The following VSTM2L variants were observed in gnomAD, a reference collection of about 807,000 sequenced individuals.
VSTM2L encodes the protein V-set and transmembrane domain containing 2 like.
A neutral mutation model predicts 19.9 loss-of-function variants in VSTM2L; 9 were observed. The observed-to-expected ratio is 0.45, with a 90% CI of 0.27 to 0.79. The LOEUF is 0.79. Ranked by LOEUF, VSTM2L falls within the 30% of genes least tolerant of loss-of-function variation. The probability of loss-of-function intolerance (pLI) is 0.15; values close to 1 mark genes in which losing one functional copy is unlikely to be tolerated. For synonymous variants in VSTM2L, 127 were observed against 133.8 expected (o/e 0.95, Z 0.35); for missense variants, 286 against 295.5 (o/e 0.97, Z 0.24).
chr20:37,903,698 C>T (rs2072735232), intron 1 of VSTM2L, among the ~76,000 whole-genome samples: 1 of 152,232 alleles, frequency 6.6e-6, no homozygotes. Flanking sequence ...CGGATACGCA[C>T]ACCTGCATGG....
At chr20:37,918,899 G>A (rs991846960) in intron 1 of VSTM2L, among the ~76,000 whole-genome samples, 2 of 152,180 alleles carry the variant, frequency 1.3e-5, no homozygotes, top group Non-Finnish European at 2.9e-5. Context: ...GCTCCAACAT[G>A]CAGTTTGCCC....
In VSTM2L at chr20:37,944,943, C is replaced by T; in HGVS notation, c.*690C>T. 1 of 985,868 alleles carries T rather than the reference C, an allele frequency of 1.0e-6. No homozygotes were observed. 61.1% of individuals were successfully genotyped at this position (985,868 alleles called of 1,614,324 possible). A position where few individuals can be genotyped will look rare whatever the true frequency, so the allele number is the denominator to read the frequency against. ...GCGAGTCAGAAGGGAGGGGCCTTTC[C>T]CTCGGACCCATGGCCCCAGGCAGAG... On this transcript the variant is annotated 3_prime_UTR_variant, in exon 4 of 4. Coordinates refer to ENST00000373461, the MANE Select transcript of VSTM2L (RefSeq NM_080607.3).
intron 2 of VSTM2L, among the ~76,000 whole-genome samples, chr20:37,932,008 G>A (rs1393182590): frequency 6.6e-6 from 1 of 152,210 alleles, no homozygotes; most frequent in Admixed American, 6.5e-5. Context: ...CGGGCAGGAG[G>A]CAGAGCTAGG....
chr20:37,919,396 G>A (rs779902924), intron 1 of VSTM2L, among the ~76,000 whole-genome samples: 2 of 152,228 alleles, frequency 1.3e-5, no homozygotes, highest in African/African-American at 4.8e-5. Context: ...GAGAACCCTC[G>A]GGTGCCTCCC....
chr20:37,930,374 G>A (rs1440261930), intron 1 of VSTM2L, among the ~76,000 whole-genome samples: 5 of 152,178 alleles, frequency 3.3e-5, no homozygotes, highest in East Asian at 1.9e-4. Flanking sequence ...AGCTGGGGTG[G>A]TGAGGACTCC....
chr20:37,905,750 C>T (rs1180327107), intron 1 of VSTM2L, among the ~76,000 whole-genome samples: 1 of 152,192 alleles, frequency 6.6e-6, no homozygotes, highest in Non-Finnish European at 1.5e-5. Flanking sequence ...GCCCCCACAG[C>T]TGCCCCTCTG....
chr20:37,905,851 G>A (rs768450271), intron 1 of VSTM2L, among the ~76,000 whole-genome samples: 2 of 152,216 alleles, frequency 1.3e-5, no homozygotes, highest in Non-Finnish European at 1.5e-5. Context: ...GAGACGCGGC[G>A]AATAAGTGGG....
At position 37,931,813 on chromosome 20, in the gene VSTM2L, C is replaced by G; in HGVS notation, c.291+9C>G. 1 of 1,610,432 alleles carries G rather than the reference C, an allele frequency of 6.2e-7. No homozygotes were observed. Among genetic ancestry groups the G allele is most frequent in the Non-Finnish European group, 8.5e-7 (1 of 1,177,820 alleles). ...CGTGGGCCTCGAACCAGGTAATGCC[C>G]CTGGGGAGATGCCCAAGCTGGGCTG... On this transcript the variant is annotated intron_variant, in intron 2 of 3. Transcript: ENST00000373461.
intron 3 of VSTM2L, among the ~76,000 whole-genome samples, chr20:37,941,199 G>A (rs894380551): frequency 2.6e-5 from 4 of 152,142 alleles, no homozygotes; most frequent in African/African-American, 9.7e-5. Context: ...TGGAGGGTAC[G>A]GTTTAGCCAG....
intron 3 of VSTM2L, among the ~76,000 whole-genome samples, chr20:37,939,739 A>T (rs1401476678): frequency 1.3e-5 from 2 of 152,104 alleles, no homozygotes; most frequent in Non-Finnish European, 2.9e-5. Context: ...CATTACCAGG[A>T]TCTGGCTGGC....
chr20:37,907,281 A>G (rs996922460), intron 1 of VSTM2L, among the ~76,000 whole-genome samples: 9 of 151,900 alleles, frequency 5.9e-5, no homozygotes, highest in Non-Finnish European at 1.3e-4. Context: ...TAATTTTTAA[A>G]TTTTTTGTAG....
Position 37,903,387 on chromosome 20 carries a change from C to G in VSTM2L, c.37C>G (p.His13Asp). 6.7e-7 allele frequency: 1 copy of G among 1,487,144 alleles called. No homozygotes were observed. The highest frequency in any genetic ancestry group is 8.9e-7 in the Non-Finnish European group (1 of 1,124,982). 92.1% of individuals were successfully genotyped at this position (1,487,144 alleles called of 1,614,324 possible). ...APLAVALGAL[H>D]YLALFLQLGG... ...GCTCGCCGTAGCGCTGGGCGCCCTC[C>G]ACTACCTGGCACTTTTCCTGCAACT... is the stretch of plus-strand genomic sequence containing the variant. The change falls in exon 1 of 4, where the codon CAC (histidine) becomes GAC (aspartate). Residue 13 changes from histidine (H) to aspartate (D), a missense_variant. Transcript: ENST00000373461.
rs1254130279 is a variant in VSTM2L at position 37,944,308 on chromosome 20, A to T, written c.*55A>T. ...CCCACGCTGTACAGAGTGCATGAGG[A>T]GCCGCCGGACCACCGGGGACCGACT... On this transcript the variant is annotated 3_prime_UTR_variant, in exon 4 of 4. Coordinates refer to ENST00000373461, the MANE Select transcript of VSTM2L (RefSeq NM_080607.3). 3.6e-6 allele frequency: 5 copies of T among 1,371,938 alleles called. No individual in the cohort carries two copies. The East Asian group carries it at 1.1e-4, about 30-fold the overall frequency. The allele number at this position is 1,371,938 out of a possible 1,614,324, so 85.0% of individuals were successfully genotyped here.
intron 1 of VSTM2L, among the ~76,000 whole-genome samples, chr20:37,909,864 G>A (rs2072770180): frequency 6.6e-6 from 1 of 152,310 alleles, no homozygotes; most frequent in African/African-American, 2.4e-5. Flanking sequence ...CTGGTCCTGG[G>A]GTCCAGAGCC....
chr20:37,921,504 T>C (rs1275520898), intron 1 of VSTM2L, among the ~76,000 whole-genome samples: 1 of 152,218 alleles, frequency 6.6e-6, no homozygotes, highest in Non-Finnish European at 1.5e-5. Context: ...GAGCATCTAC[T>C]ATGTGCATGG....
intron 3 of VSTM2L, among the ~76,000 whole-genome samples, chr20:37,938,782 G>A (rs1003396080): frequency 2.0e-5 from 3 of 152,214 alleles, no homozygotes; most frequent in African/African-American, 4.8e-5. Context: ...CTCTCCAGTC[G>A]CCCTGGAGGG....
intron 1 of VSTM2L, among the ~76,000 whole-genome samples, chr20:37,904,812 C>T (rs1395117152): frequency 2.6e-5 from 4 of 152,114 alleles, no homozygotes; most frequent in African/African-American, 4.8e-5. Flanking sequence ...AGGGGGGCTT[C>T]GAAGCCATCC....
At chr20:37,925,321 T>C (rs1352740354) in intron 1 of VSTM2L, among the ~76,000 whole-genome samples, 2 of 152,126 alleles carry the variant, frequency 1.3e-5, no homozygotes, top group Admixed American at 6.5e-5. Flanking sequence ...TTTCTCCTTC[T>C]GATGATCTGA....
chr20:37,936,704 G>A (rs577931408), intron 3 of VSTM2L, among the ~76,000 whole-genome samples: 6 of 152,328 alleles, frequency 3.9e-5, no homozygotes, highest in Admixed American at 6.5e-5. Flanking sequence ...TAGTGTCCCA[G>A]GAGCTGAGTC....
Sources: allele counts gnomAD v4.1 joint callset (sites outside exome capture counted in the v4.1 genomes callset), GRCh38; gene constraint gnomAD v4.1.1; transcripts MANE v1.5; gene names NCBI Gene and HGNC (gene_info 2026-07-23, HGNC 2026-07-21).